Variants in DCUN1D4 observed in about 807,000 individuals in gnomAD.
DCUN1D4 encodes the protein DCN1-like protein 4.
Under a neutral mutation model 47.9 loss-of-function variants are expected in DCUN1D4, and 22 were observed. The ratio of observed to expected loss-of-function variants is 0.46; its 90% CI spans 0.33 to 0.66. The LOEUF (loss-of-function observed/expected upper bound fraction) is 0.66. Ranked by LOEUF, DCUN1D4 falls within the 30% of genes least tolerant of loss-of-function variation. DCUN1D4 has a pLI of 0.02. For synonymous variants in DCUN1D4, 121 were observed against 112.2 expected, an observed-to-expected ratio of 1.08 and a Z score of -0.50; for missense variants, 301 against 340.8, an observed-to-expected ratio of 0.88 and a Z score of 0.92.
At chr4:51,847,012 G>C (rs1722653961) in intron 1 of DCUN1D4, among the ~76,000 whole-genome samples, 1 of 152,186 alleles carries the variant, frequency 6.6e-6, no homozygotes. Context: ...CCATTTCAGT[G>C]TCATTGGATT....
intron 1 of DCUN1D4, chr4:51,843,796 C>A (rs1722002254): frequency 2.0e-5 from 2 of 99,224 alleles, no homozygotes; most frequent in African/African-American, 4.0e-4. Flanking sequence ...GGCTGGTTGG[C>A]GGGGGGGTGG....
chr4:51,883,419 TA>T (rs1728995450), intron 5 of DCUN1D4, among the ~76,000 whole-genome samples: 2 of 152,358 alleles, frequency 1.3e-5, no homozygotes, highest in Admixed American at 1.3e-4. Flanking sequence ...GTAGTGTGTC[TA>T]ATACATACAT....
Position 51,886,735 on chromosome 4 carries a change from G to A in DCUN1D4, c.414+97G>A, listed in dbSNP as rs554732205. 2.9e-5 allele frequency: 30 copies of A among 1,027,784 alleles called. No individual in the cohort carries two copies. In the South Asian group the frequency reaches 3.9e-4, roughly 13 times the overall value. The allele number at this position is 1,027,784 out of a possible 1,614,324, so 63.7% of individuals were successfully genotyped here. A position where few individuals can be genotyped will look rare whatever the true frequency, so the allele number is the denominator to read the frequency against. On this transcript the variant is annotated intron_variant, in intron 6 of 10. Transcript: ENST00000334635. ...ATAAATAAATAATTAAAAAGTAGTG[G>A]TATGTTAGTTTTTATGAAGCAGTCT...
At chr4:51,834,099 C>CTTTTTTT in the DCUN1D4 span, among the ~76,000 whole-genome samples, 2 of 40,816 alleles carry the variant, frequency 4.9e-5, no homozygotes, top group African/African-American at 5.1e-4. Flanking sequence ...TTCTTTTCTT[C>CTTTTTTT]TTTCTTTTTT....
intron 6 of DCUN1D4, among the ~76,000 whole-genome samples, chr4:51,891,300 G>T (rs921607960): frequency 3.9e-5 from 6 of 152,224 alleles, no homozygotes; most frequent in Middle Eastern, 3.2e-3. Flanking sequence ...ATTCGGCAAA[G>T]AAGTATTTAA....
At chr4:51,906,078 C>T (rs1161967197) in intron 8 of DCUN1D4, among the ~76,000 whole-genome samples, 2 of 152,108 alleles carry the variant, frequency 1.3e-5, no homozygotes, top group African/African-American at 4.8e-5. Flanking sequence ...TGAAATAAAA[C>T]CTTAAAGAAG....
chr4:51,866,177 C>A (rs1052873181), intron 3 of DCUN1D4, among the ~76,000 whole-genome samples: 12 of 152,086 alleles, frequency 7.9e-5, no homozygotes, highest in Admixed American at 2.6e-4. Context: ...AAATATAGAT[C>A]AACTCAAGGA....
At chr4:51,842,800 G>C (rs1011719744), upstream of DCUN1D4, among the ~76,000 whole-genome samples, 2 of 152,202 alleles carry the variant, frequency 1.3e-5, no homozygotes, top group Non-Finnish European at 2.9e-5. Flanking sequence ...TTTCTTGGTG[G>C]GTCTCCAGCT....
intron 6 of DCUN1D4, among the ~76,000 whole-genome samples, chr4:51,889,805 A>G (rs1196094063): frequency 1.3e-5 from 2 of 152,058 alleles, no homozygotes; most frequent in African/African-American, 4.8e-5. Context: ...AAGAACTGTA[A>G]CCCCATCTTT....
At chr4:51,893,882 G>A (rs1730827545) in intron 7 of DCUN1D4, among the ~76,000 whole-genome samples, 2 of 152,178 alleles carry the variant, frequency 1.3e-5, no homozygotes, top group Admixed American at 1.3e-4. Context: ...TACCCAGTTT[G>A]TATAGTACTG....
intron 1 of DCUN1D4, among the ~76,000 whole-genome samples, chr4:51,852,407 T>C (rs1723506468): frequency 6.6e-6 from 1 of 152,226 alleles, no homozygotes; most frequent in South Asian, 2.1e-4. Flanking sequence ...ATTTTTGAAA[T>C]TATTTTTATT....
chr4:51,868,664 G>C (rs1201567883), intron 3 of DCUN1D4, among the ~76,000 whole-genome samples: 1 of 152,168 alleles, frequency 6.6e-6, no homozygotes, highest in Admixed American at 6.5e-5. Flanking sequence ...ACTGTGTGTG[G>C]AAGAGCCAAA....
At chr4:51,860,249 G>A (rs1303309186) in intron 1 of DCUN1D4, among the ~76,000 whole-genome samples, 3 of 152,046 alleles carry the variant, frequency 2.0e-5, no homozygotes, top group Non-Finnish European at 4.4e-5. Flanking sequence ...TGATGTGGTA[G>A]CAATAGGGAT....
chr4:51,899,624 G>A (rs530822155), intron 8 of DCUN1D4, among the ~76,000 whole-genome samples: 1 of 152,308 alleles, frequency 6.6e-6, no homozygotes, highest in East Asian at 1.9e-4. Context: ...TGGCTTAAAA[G>A]TGACATGGGC....
chr4:51,856,545 A>G (rs1282154648), intron 1 of DCUN1D4, among the ~76,000 whole-genome samples: 1 of 152,136 alleles, frequency 6.6e-6, no homozygotes, highest in East Asian at 1.9e-4. Flanking sequence ...TTTTCCTATT[A>G]CAGAGTGTAA....
chr4:51,886,711 T>C, intron 6 of DCUN1D4, 73 bp downstream of exon 6: 3 of 1,222,312 alleles, frequency 2.5e-6, no homozygotes, highest in Non-Finnish European at 3.6e-6. Flanking sequence ...CTTTAGCAAA[T>C]AAATAAATAA....
chr4:51,893,370 C>T (rs1490074074), intron 7 of DCUN1D4, among the ~76,000 whole-genome samples: 1 of 152,164 alleles, frequency 6.6e-6, no homozygotes, highest in East Asian at 1.9e-4. Flanking sequence ...CCTATTCACT[C>T]GTTTTTTCAT....
At chr4:51,878,568 T>C in intron 5 of DCUN1D4, among the ~76,000 whole-genome samples, 1 of 152,170 alleles carries the variant, frequency 6.6e-6, no homozygotes, top group South Asian at 2.1e-4. Context: ...TGTCTAATTT[T>C]TTTAAAACTA....
In DCUN1D4 at chr4:51,913,844, G is replaced by T. The variant is rs1308597956; in HGVS notation, c.*260G>T. 4 of 384,140 alleles carry T rather than the reference G, an allele frequency of 1.0e-5. No homozygotes were observed. The highest frequency in any genetic ancestry group is 1.9e-5 in the Non-Finnish European group (4 of 215,786). 23.8% of individuals were successfully genotyped at this position (384,140 alleles called of 1,614,324 possible). A position where few individuals can be genotyped will look rare whatever the true frequency, so the allele number is the denominator to read the frequency against. ...TCCTCACTGTGATTATGTGTATATTGCTGTTTAAATTTTGTATATGTGTAT... is the reference window on the plus strand; with the variant it reads ...TCCTCACTGTGATTATGTGTATATTTCTGTTTAAATTTTGTATATGTGTAT... On this transcript the variant is annotated 3_prime_UTR_variant, in exon 11 of 11. Coordinates refer to ENST00000334635, the MANE Select transcript of DCUN1D4 (RefSeq NM_001040402.3).
Sources: gnomAD v4.1 joint callset for allele counts (sites outside exome capture counted in the v4.1 genomes callset) on GRCh38, gnomAD v4.1.1 for gene constraint, MANE v1.5 for transcripts, NCBI Gene and HGNC (gene_info 2026-07-23, HGNC 2026-07-21) for gene names.